MYO16: variants seen among roughly 807,000 people sequenced by gnomAD.
MYO16 encodes unconventional myosin-XVI.
A neutral mutation model predicts 205.3 loss-of-function variants in MYO16; 94 were observed. That is an observed-to-expected ratio of 0.46 (90% confidence interval 0.39 to 0.54). The LOEUF (loss-of-function observed/expected upper bound fraction) is 0.54, where lower values mean the gene tolerates loss of function less well. Among genes scored for constraint, MYO16 ranks in the 20% least tolerant of loss-of-function variants. MYO16 has a pLI of 0.00. For synonymous variants in MYO16, 988 were observed against 954.0 expected (o/e 1.04, Z -0.66); for missense variants, 2,315 against 2,387.5 (o/e 0.97, Z 0.63).
intron 7 of MYO16, among the ~76,000 whole-genome samples, chr13:108,812,794 A>G (rs1215280632): frequency 6.6e-6 from 1 of 152,088 alleles, no homozygotes; most frequent in Non-Finnish European, 1.5e-5. Flanking sequence ...TACGACTATA[A>G]AAAGAAATTG....
intron 28 of MYO16, among the ~76,000 whole-genome samples, chr13:109,106,169 C>T (rs1055258094): frequency 3.9e-5 from 6 of 152,146 alleles, no homozygotes; most frequent in African/African-American, 1.4e-4. Flanking sequence ...CTTTATGAAA[C>T]GAAGAGTTCA....
chr13:109,129,182 A>G lies in MYO16; in HGVS notation c.4051+1632A>G, dbSNP rs573349854. On this transcript the variant is annotated intron_variant, in intron 31 of 34. Transcript: ENST00000457511. ...TTTTTATTAGTGGCATTAAGAAAGA[A>G]TAGACCTTTAGGATATTTTTCACTT... Among the ~76,000 whole-genome samples the G allele has an allele frequency of 2.0e-5, 3 of 152,164 alleles. No homozygotes were observed. In the South Asian group the frequency reaches 6.2e-4, roughly 32 times the overall value.
the MYO16 span, among the ~76,000 whole-genome samples, chr13:108,507,253 A>G: frequency 6.6e-6 from 1 of 152,160 alleles, no homozygotes; most frequent in Admixed American, 6.5e-5. Flanking sequence ...TTGCTATCTA[A>G]CACCTTTGCA....
intron 22 of MYO16, 102 bp from the exon 23 acceptor site, chr13:109,019,609 A>G (rs997459773): frequency 1.8e-5 from 15 of 854,068 alleles, no homozygotes; most frequent in African/African-American, 1.5e-4. Flanking sequence ...CTGAGTGTCT[A>G]TATGAATCTA....
At chr13:108,870,093 A>T (rs1878974570) in intron 12 of MYO16, among the ~76,000 whole-genome samples, 1 of 151,862 alleles carries the variant, frequency 6.6e-6, no homozygotes, top group Non-Finnish European at 1.5e-5. Flanking sequence ...AGGAAATTTC[A>T]TTTTATTGCT....
At chr13:109,096,619 C>A (rs563864526) in intron 27 of MYO16, among the ~76,000 whole-genome samples, 2 of 152,296 alleles carry the variant, frequency 1.3e-5, no homozygotes, top group Admixed American at 1.3e-4. Context: ...TCATTCAGGG[C>A]TCAAGAAATG....
chr13:108,953,300 C>A (rs536907575), intron 16 of MYO16, among the ~76,000 whole-genome samples: 4 of 152,094 alleles, frequency 2.6e-5, no homozygotes, highest in East Asian at 3.8e-4. Flanking sequence ...TTATTTTACT[C>A]GGCACAGTTA....
chr13:108,741,750 A>C (rs1884916222), intron 4 of MYO16, among the ~76,000 whole-genome samples: 1 of 152,202 alleles, frequency 6.6e-6, no homozygotes, highest in African/African-American at 2.4e-5. Flanking sequence ...AAAACTATTG[A>C]CACTTTTCTG....
intron 27 of MYO16, among the ~76,000 whole-genome samples, chr13:109,067,799 G>A (rs1247711320): frequency 1.3e-5 from 2 of 151,986 alleles, no homozygotes; most frequent in African/African-American, 4.8e-5. Context: ...AAGGCAGCTG[G>A]GTATGAAATG....
the MYO16 span, among the ~76,000 whole-genome samples, chr13:108,531,886 A>C: frequency 2.0e-5 from 3 of 152,158 alleles, no homozygotes; most frequent in Non-Finnish European, 4.4e-5. Context: ...AGAAGAGTCA[A>C]GGGATATGTA....
rs535306421 is a variant in MYO16 at position 109,187,674 on chromosome 13, T to C, written c.5415+8041T>C. 2.6e-3 allele frequency among the ~76,000 whole-genome samples: 395 copies of C among 152,366 alleles called. 1 individual carries two copies. Among genetic ancestry groups the C allele is most frequent in the African/African-American group, 9.2e-3 (381 of 41,596 alleles). On this transcript the variant is annotated intron_variant, in intron 34 of 34. Coordinates refer to ENST00000457511, the MANE Select transcript of MYO16 (RefSeq NM_001198950.3). ...ATTTGGGGTTTTCCAGGTACCTTTCTGCTGCTGAATTCTAGTTTAATTCCC... is the reference window on the plus strand; with the variant it reads ...ATTTGGGGTTTTCCAGGTACCTTTCCGCTGCTGAATTCTAGTTTAATTCCC...
chr13:108,686,032 C>T (rs1882662873), intron 2 of MYO16, among the ~76,000 whole-genome samples: 1 of 152,154 alleles, frequency 6.6e-6, no homozygotes, highest in African/African-American at 2.4e-5. Flanking sequence ...CAGGTCAGCC[C>T]ATAGACCCAG....
chr13:109,127,073 C>T lies in MYO16; in HGVS notation c.3783-209C>T, dbSNP rs552380866. ...GATGGATATCCCGCGGGCTCATGTG[C>T]TTTTCATCACAAAGCCGGAGCCAGA... On this transcript the variant is annotated intron_variant, in intron 30 of 34. Transcript: ENST00000457511. This position sits in a 1 kb window ranked among gnomAD's most constrained non-coding sequence, Gnocchi z 4.2. 1.3e-5 allele frequency among the ~76,000 whole-genome samples: 2 copies of T among 152,292 alleles called. No individual in the cohort carries two copies. The highest frequency in any genetic ancestry group is 4.8e-5 in the African/African-American group (2 of 41,576).
At chr13:108,948,332 A>G (rs1021244648) in intron 16 of MYO16, among the ~76,000 whole-genome samples, 3 of 152,238 alleles carry the variant, frequency 2.0e-5, no homozygotes, top group Admixed American at 6.5e-5. Context: ...ACAGCAGATA[A>G]AAAAACTGAG....
At chr13:109,119,398 C>G (rs1256609576) in intron 28 of MYO16, among the ~76,000 whole-genome samples, 3 of 152,184 alleles carry the variant, frequency 2.0e-5, no homozygotes, top group African/African-American at 7.2e-5. Flanking sequence ...GTAATACTTT[C>G]CCTTTATCTA....
intron 1 of MYO16, among the ~76,000 whole-genome samples, chr13:108,622,862 A>G (rs1879596260): frequency 6.6e-6 from 1 of 152,186 alleles, no homozygotes; most frequent in African/African-American, 2.4e-5. Flanking sequence ...AAAGCAATGG[A>G]CGGAAAGCCT....
At chr13:109,023,371 T>C (rs1886182274) in intron 23 of MYO16, among the ~76,000 whole-genome samples, 1 of 63,658 alleles carries the variant, frequency 1.6e-5, no homozygotes, top group African/African-American at 6.6e-5. Context: ...TAAATATATA[T>C]TTATATATTA....
intron 16 of MYO16, among the ~76,000 whole-genome samples, chr13:108,913,678 A>G (rs946533797): frequency 2.6e-4 from 39 of 152,244 alleles, no homozygotes; most frequent in African/African-American, 8.4e-4. Context: ...GCTCAATACC[A>G]TATGTTAAAG....
intron 12 of MYO16, among the ~76,000 whole-genome samples, chr13:108,873,449 C>A (rs1357013785): frequency 3.9e-5 from 6 of 152,224 alleles, no homozygotes; most frequent in African/African-American, 2.4e-5. Flanking sequence ...AACTTCATTT[C>A]GAGACTGATG....
Sources: gnomAD v4.1 joint callset for allele counts (sites outside exome capture counted in the v4.1 genomes callset) on GRCh38, gnomAD v4.1.1 for gene constraint, Gnocchi (gnomAD v3.1) non-coding constraint, MANE v1.5 for transcripts, NCBI Gene and HGNC (gene_info 2026-07-23, HGNC 2026-07-21) for gene names.